Variants in PDHX observed in about 807,000 individuals in gnomAD.
PDHX encodes pyruvate dehydrogenase complex component X, also known as pyruvate dehydrogenase protein X component, mitochondrial.
Under a neutral mutation model 55.3 loss-of-function variants are expected in PDHX, and 33 were observed. That is an observed-to-expected ratio of 0.60 (90% confidence interval 0.45 to 0.80). The LOEUF is 0.80. PDHX is among the 30% of genes least tolerant of loss of function. The probability of loss-of-function intolerance (pLI) is 0.00; values close to 1 mark genes in which losing one functional copy is unlikely to be tolerated. For synonymous variants in PDHX, 226 were observed against 219.4 expected, an observed-to-expected ratio of 1.03 and a Z score of -0.27; for missense variants, 622 against 619.9, an observed-to-expected ratio of 1.00 and a Z score of -0.04.
intron 3 of PDHX, among the ~76,000 whole-genome samples, chr11:34,948,867 G>A (rs1854686619): frequency 6.6e-6 from 1 of 152,156 alleles, no homozygotes; most frequent in Non-Finnish European, 1.5e-5. Flanking sequence ...ATTTTATTAT[G>A]TGTGCTTTTG....
chr11:34,991,007 C>T (rs985363721), intron 9 of PDHX, among the ~76,000 whole-genome samples: 1 of 151,976 alleles, frequency 6.6e-6, no homozygotes, highest in South Asian at 2.1e-4. Flanking sequence ...TAAGTTAATT[C>T]GTTATTAATT....
Position 34,960,521 on chromosome 11 carries a change from A to G in PDHX, c.641+3A>G, listed in dbSNP as rs757784632. 1.0e-5 allele frequency: 16 copies of G among 1,552,214 alleles called. No homozygotes were observed. Among genetic ancestry groups the G allele is most frequent in the Non-Finnish European group, 1.4e-5 (16 of 1,124,194 alleles). On this transcript the variant is annotated splice_donor_region_variant and intron_variant, in intron 5 of 10. Coordinates refer to ENST00000227868, the MANE Select transcript of PDHX (RefSeq NM_003477.3). ...CCTCGGGGGATATTCACTAAAGAGT[A>G]TGTGTTTGCTTTTTGTAATAACCAG...
chr11:34,936,272 C>T (rs1347310311), intron 2 of PDHX, among the ~76,000 whole-genome samples: 1 of 152,136 alleles, frequency 6.6e-6, no homozygotes, highest in Non-Finnish European at 1.5e-5. Context: ...CCTTGATAGA[C>T]CCAACCAAGT....
upstream of PDHX, chr11:34,916,356 G>A (rs767425029): frequency 5.1e-6 from 8 of 1,577,562 alleles, no homozygotes; most frequent in East Asian, 7.0e-5. Flanking sequence ...CCTGGGATAC[G>A]GCAGCGAGGC....
At chr11:34,952,208 A>T (rs1208039157) in intron 3 of PDHX, among the ~76,000 whole-genome samples, 1 of 152,182 alleles carries the variant, frequency 6.6e-6, no homozygotes, top group African/African-American at 2.4e-5. Context: ...ATAGCTTACC[A>T]ACCAAAAAGA....
chr11:34,926,979 A>G (rs1854038913), intron 1 of PDHX, among the ~76,000 whole-genome samples: 1 of 151,626 alleles, frequency 6.6e-6, no homozygotes. Flanking sequence ...TAAGCTAAGC[A>G]AAAAATTTTA....
In PDHX at chr11:34,985,743, G is replaced by A. The variant is rs113221604; in HGVS notation, c.1182+1015G>A. Reference sequence around the variant, plus strand: ...TGTATGTATAGTGGTAGAACAATTTGTATATTTATAAGGGAGATATGAGGT... The same window carrying A: ...TGTATGTATAGTGGTAGAACAATTTATATATTTATAAGGGAGATATGAGGT... On this transcript the variant is annotated intron_variant, in intron 9 of 10. Coordinates refer to ENST00000227868, the MANE Select transcript of PDHX (RefSeq NM_003477.3). Among the ~76,000 whole-genome samples the A allele has an allele frequency of 2.6e-3, 394 of 152,246 alleles. 2 individuals carry two copies. The highest frequency in any genetic ancestry group is 9.0e-3 in the African/African-American group (373 of 41,518).
rs149080523 is a variant in PDHX at position 34,971,352 on chromosome 11, T to C, written c.964+1066T>C. On this transcript the variant is annotated intron_variant, in intron 7 of 10. Transcript: ENST00000227868. ...GGACCTCTGTCTGGTATAATGAATA[T>C]AGATGGTAAAAGCAGATATTTTTGC... 6.6e-5 allele frequency among the ~76,000 whole-genome samples: 10 copies of C among 152,260 alleles called. No individual in the cohort carries two copies. In the East Asian group the frequency reaches 1.9e-3, roughly 29 times the overall value.
chr11:34,920,299 T>A (rs1303916481), intron 1 of PDHX, among the ~76,000 whole-genome samples: 1 of 152,114 alleles, frequency 6.6e-6, no homozygotes, highest in Non-Finnish European at 1.5e-5. Context: ...GAATAACATG[T>A]TGAATTTAAA....
At chr11:34,927,078 T>C (rs747071931) in intron 1 of PDHX, among the ~76,000 whole-genome samples, 25 of 152,238 alleles carry the variant, frequency 1.6e-4, no homozygotes, top group Admixed American at 6.5e-4. Context: ...AGTTTAAATA[T>C]AAAGTACTGG....
chr11:34,945,781 A>G (rs11032943), intron 2 of PDHX, among the ~76,000 whole-genome samples: 62,193 of 152,070 alleles, frequency 0.41, 13,390 homozygotes, highest in African/African-American at 0.47. Context: ...TTTAGGCTCA[A>G]TTAAATTTTG....
At chr11:34,975,699 C>T (rs1855353463) in intron 7 of PDHX, among the ~76,000 whole-genome samples, 1 of 152,090 alleles carries the variant, frequency 6.6e-6, no homozygotes, top group East Asian at 1.9e-4. Flanking sequence ...TTTGTCTCTC[C>T]TCTGAGTGGA....
intron 2 of PDHX, among the ~76,000 whole-genome samples, chr11:34,934,514 G>T (rs1280331408): frequency 6.7e-6 from 1 of 149,066 alleles, no homozygotes. Context: ...TATGATTCAA[G>T]CAAACAAAAC....
At chr11:34,931,333 T>C in intron 1 of PDHX, 71 bp from the exon 2 acceptor site, 2 of 832,280 alleles carry the variant, frequency 2.4e-6, no homozygotes, top group South Asian at 2.8e-5. Flanking sequence ...GTTAATTTAC[T>C]TGAACTTATA....
chr11:34,986,322 A>AGG (rs5791025), intron 9 of PDHX, among the ~76,000 whole-genome samples: 1 of 147,428 alleles, frequency 6.8e-6, no homozygotes, highest in African/African-American at 2.5e-5. Context: ...AAAAAAAAAA[A>AGG]AAAAGAAAGG....
Position 34,995,418 on chromosome 11 carries a change from AAC to A in PDHX, c.*247_*248del. On this transcript the variant is annotated 3_prime_UTR_variant, in exon 11 of 11. Transcript: ENST00000227868. Reference sequence around the variant, plus strand: ...TATTTGGTTACTCAGATCCATTTTTAACCTCTGGTGCTGTATAAAGGGAATAT... The same window carrying A: ...TATTTGGTTACTCAGATCCATTTTTACTCTGGTGCTGTATAAAGGGAATAT... The A allele has an allele frequency of 2.1e-6, 1 of 469,496 alleles. No homozygotes were observed. The highest frequency in any genetic ancestry group is 3.9e-6 in the Non-Finnish European group (1 of 256,602). 29.1% of individuals were successfully genotyped at this position (469,496 alleles called of 1,614,324 possible). A position where few individuals can be genotyped will look rare whatever the true frequency, so the allele number is the denominator to read the frequency against.
chr11:34,918,708 A>G (rs1280530896), intron 1 of PDHX, among the ~76,000 whole-genome samples: 1 of 152,178 alleles, frequency 6.6e-6, no homozygotes, highest in Non-Finnish European at 1.5e-5. Context: ...TTCACATCTC[A>G]TAGTTCTAGA....
intron 5 of PDHX, among the ~76,000 whole-genome samples, chr11:34,964,594 A>T (rs907203568): frequency 1.3e-5 from 2 of 151,808 alleles, no homozygotes; most frequent in African/African-American, 4.8e-5. Context: ...ACAGAGTGAG[A>T]CTCTTTAAAA....
At chr11:34,974,954 T>G (rs1855334944) in intron 7 of PDHX, among the ~76,000 whole-genome samples, 2 of 152,168 alleles carry the variant, frequency 1.3e-5, no homozygotes, top group African/African-American at 4.8e-5. Flanking sequence ...TCCACATTTT[T>G]GCCAATACTT....
Sources: allele counts gnomAD v4.1 joint callset (sites outside exome capture counted in the v4.1 genomes callset), GRCh38; gene constraint gnomAD v4.1.1; transcripts MANE v1.5; gene names NCBI Gene and HGNC (gene_info 2026-07-23, HGNC 2026-07-21).